Variants in LNPEP observed in about 807,000 individuals in gnomAD.
LNPEP encodes the protein leucyl and cystinyl aminopeptidase.
In LNPEP, 64 loss-of-function variants were observed where a neutral mutation model predicts 120.6. The observed-to-expected ratio is 0.53, with a 90% CI of 0.43 to 0.65. The LOEUF (loss-of-function observed/expected upper bound fraction) is 0.65. LNPEP is among the 30% of genes least tolerant of loss of function. The pLI, the probability that LNPEP is intolerant of heterozygous loss-of-function variation, is 0.00. For synonymous variants in LNPEP, 435 were observed against 425.4 expected (o/e 1.02, Z -0.28); for missense variants, 1,057 against 1,200.0 (o/e 0.88, Z 1.76).
At chr5:96,967,316 T>A (rs976218176) in intron 1 of LNPEP, among the ~76,000 whole-genome samples, 13 of 151,828 alleles carry the variant, frequency 8.6e-5, no homozygotes, top group Middle Eastern at 3.4e-3. Context: ...ATTATTATTT[T>A]TTTTTTTTGG....
At chr5:96,963,317 A>G (rs1010875945) in intron 1 of LNPEP, among the ~76,000 whole-genome samples, 3 of 151,972 alleles carry the variant, frequency 2.0e-5, no homozygotes, top group African/African-American at 7.3e-5. Flanking sequence ...GGCAACAACC[A>G]TTTTCTTTGC....
chr5:97,026,785 T>C, intron 16 of LNPEP, 28 bp downstream of exon 16: 1 of 1,594,976 alleles, frequency 6.3e-7, no homozygotes, highest in Non-Finnish European at 8.6e-7. Flanking sequence ...TTATTAACTT[T>C]TAGTATTCTC....
chr5:97,002,598 A>G (rs940277250), intron 8 of LNPEP, among the ~76,000 whole-genome samples: 3 of 152,230 alleles, frequency 2.0e-5, no homozygotes, highest in South Asian at 4.1e-4. Flanking sequence ...AAAAACTACT[A>G]GAGTGCCTAC....
At chr5:97,012,645 A>G (rs1187269784) in intron 11 of LNPEP, among the ~76,000 whole-genome samples, 1 of 152,222 alleles carries the variant, frequency 6.6e-6, no homozygotes, top group Non-Finnish European at 1.5e-5. Flanking sequence ...ATACCCCATT[A>G]TAATTAAGTC....
intron 13 of LNPEP, among the ~76,000 whole-genome samples, chr5:97,020,455 T>C (rs1199879705): frequency 2.0e-5 from 3 of 152,196 alleles, no homozygotes; most frequent in African/African-American, 7.2e-5. Context: ...GGGGTATCTG[T>C]TGAATTTTTT....
rs1298425506 is a variant in LNPEP, at chr5:96,936,118, C to T, written c.-38C>T. On this transcript the variant is annotated 5_prime_UTR_variant, in exon 1 of 18. Transcript: ENST00000231368. The stretch of plus-strand genomic sequence containing the variant: ...GCCTCAGCTCTCGGAGTAGGAAGCT[C>T]GGGCGCTCCGGCTGTAAGGAGCCGC... 9 of 1,513,756 alleles carry T rather than the reference C, an allele frequency of 5.9e-6. No individual in the cohort carries two copies. In the Admixed American group the frequency reaches 1.0e-4, roughly 18 times the overall value. 93.8% of individuals were successfully genotyped at this position (1,513,756 alleles called of 1,614,324 possible).
At chr5:96,944,679 G>C (rs1789145247) in intron 1 of LNPEP, among the ~76,000 whole-genome samples, 1 of 133,792 alleles carries the variant, frequency 7.5e-6, no homozygotes, top group South Asian at 2.5e-4. Context: ...AGCAATTCTT[G>C]TGCCTCAGCC....
chr5:96,974,330 C>T (rs886766751), intron 1 of LNPEP, among the ~76,000 whole-genome samples: 3 of 152,114 alleles, frequency 2.0e-5, no homozygotes, highest in African/African-American at 7.2e-5. Flanking sequence ...GTTTTGTGCC[C>T]ATGCACATGC....
chr5:96,952,238 T>A (rs1183065609), intron 1 of LNPEP, among the ~76,000 whole-genome samples: 3 of 152,256 alleles, frequency 2.0e-5, no homozygotes, highest in Non-Finnish European at 4.4e-5. Context: ...CTTAATAGAA[T>A]ACAACTGGAT....
rs886431835 is a variant in LNPEP at position 97,022,416 on chromosome 5, C to T, written c.2493C>T (p.Asn831=). Residue 831 remains asparagine (N), a synonymous_variant, in exon 14 of 18, where the codon AAC becomes AAT. Coordinates refer to ENST00000231368, the MANE Select transcript of LNPEP (RefSeq NM_005575.3). ...TGCTAGAGTTTGCTTGCACCCACAA[C>T]CTGGGGAACTGCTCTACTACTGCCA... The part of the protein sequence containing the change: ...SALLEFACTH[N]LGNCSTTAMK... The T allele has an allele frequency of 2.5e-6, 4 of 1,614,124 alleles. No homozygotes were observed. The highest frequency in any genetic ancestry group is 1.1e-5 in the South Asian group (1 of 91,084).
chr5:97,020,652 A>G (rs1262306416), intron 13 of LNPEP, among the ~76,000 whole-genome samples: 1 of 152,106 alleles, frequency 6.6e-6, no homozygotes, highest in Non-Finnish European at 1.5e-5. Flanking sequence ...ATACAAAAAA[A>G]TTAGCCGGAT....
At chr5:97,007,119 G>C (rs1168501558) in intron 11 of LNPEP, among the ~76,000 whole-genome samples, 3 of 152,158 alleles carry the variant, frequency 2.0e-5, no homozygotes, top group Admixed American at 2.0e-4. Context: ...CACTATGAAT[G>C]TCACACCACA....
intron 4 of LNPEP, among the ~76,000 whole-genome samples, chr5:96,988,727 T>C (rs192477844): frequency 6.6e-6 from 1 of 152,098 alleles, no homozygotes; most frequent in East Asian, 1.9e-4. Flanking sequence ...CTCTCCCAAG[T>C]CATTGGGACT....
rs1354974361 is a variant in LNPEP, at chr5:97,006,151, C to G, written c.1864C>G (p.Gln622Glu). 1.3e-6 allele frequency: 2 copies of G among 1,598,640 alleles called. No individual in the cohort carries two copies. The highest frequency in any genetic ancestry group is 3.3e-4 in the Middle Eastern group (2 of 6,014). Residue 622 changes from glutamine (Q) to glutamate (E), a missense_variant, in exon 10 of 18, where the codon CAA (glutamine) becomes GAA (glutamate). Physicochemically the swap from Gln to Glu is conservative, Grantham distance 29. Coordinates refer to ENST00000231368, the MANE Select transcript of LNPEP (RefSeq NM_005575.3). The stretch of plus-strand genomic sequence containing the variant: ...GAAAGGATTTCCTTTAGTGACTGTT[C>G]AAAAGAAAGGAAAGGAACTTTTTAT... Reference protein sequence around the residue: ...LQKGFPLVTVQKKGKELFIQQ... With the variant: ...LQKGFPLVTVEKKGKELFIQQ...
intron 8 of LNPEP, 151 bp from the exon 9 acceptor site, chr5:97,003,264 A>G (rs765968154): frequency 7.6e-5 from 40 of 526,734 alleles, no homozygotes; most frequent in Admixed American, 2.8e-4. Flanking sequence ...GTCCACATCT[A>G]TATGAGACTA....
chr5:97,006,325 C>A, intron 10 of LNPEP, 92 bp downstream of exon 10: 1 of 1,299,878 alleles, frequency 7.7e-7, no homozygotes, highest in Non-Finnish European at 1.1e-6. Flanking sequence ...CTTGTGAAAC[C>A]TAACAAGATT....
chr5:97,011,212 GTTGT>G (rs1790918352), intron 11 of LNPEP: 1 of 984,736 alleles, frequency 1.0e-6, no homozygotes, highest in Non-Finnish European at 1.2e-6. Context: ...TCTTTCTGGG[GTTGT>G]TTCTTTTCTT....
chr5:96,980,062 A>C lies in LNPEP; in HGVS notation c.860+84A>C. 2.3e-6 allele frequency: 3 copies of C among 1,325,856 alleles called. No homozygotes were observed. In the South Asian group the frequency reaches 4.5e-5, roughly 20 times the overall value. 82.1% of individuals were successfully genotyped at this position (1,325,856 alleles called of 1,614,324 possible). A position where few individuals can be genotyped will look rare whatever the true frequency, so the allele number is the denominator to read the frequency against. ...TCCCTTTGTCCACACCAGAGACACGAATTGTGATTTTTTTTTTTAATTTAG... is the reference window on the plus strand; with the variant it reads ...TCCCTTTGTCCACACCAGAGACACGCATTGTGATTTTTTTTTTTAATTTAG... On this transcript the variant is annotated intron_variant, in intron 2 of 17. Transcript: ENST00000231368.
In LNPEP at chr5:97,006,276, C is replaced by T. The variant is rs200895352; in HGVS notation, c.1946+43C>T. ...TTTCATGCCATCTCTTTTGCACTCT[C>T]AGGTGGAAATATTTTTAAGTGTTTT... On this transcript the variant is annotated intron_variant, in intron 10 of 17. Coordinates refer to ENST00000231368, the MANE Select transcript of LNPEP (RefSeq NM_005575.3). 434 of 1,509,588 alleles carry T rather than the reference C, an allele frequency of 2.9e-4. 4 individuals carry two copies. In the African/African-American group the frequency reaches 5.4e-3, roughly 19 times the overall value. The allele number at this position is 1,509,588 out of a possible 1,614,324, so 93.5% of individuals were successfully genotyped here. A position where few individuals can be genotyped will look rare whatever the true frequency, so the allele number is the denominator to read the frequency against.
Sources: allele counts gnomAD v4.1 joint callset (sites outside exome capture counted in the v4.1 genomes callset), GRCh38; gene constraint gnomAD v4.1.1; transcripts MANE v1.5; gene names NCBI Gene and HGNC (gene_info 2026-07-23, HGNC 2026-07-21).